Variants in MAP6 observed in about 807,000 individuals in gnomAD.
The protein encoded by MAP6 is microtubule associated protein 6, also known as microtubule-associated protein 6.
MAP6 carries 26 observed loss-of-function variants against 42.4 expected under a neutral mutation model. The observed-to-expected ratio is 0.61, with a 90% CI of 0.45 to 0.85. The LOEUF is 0.85. Ranked by LOEUF, MAP6 falls within the 40% of genes least tolerant of loss-of-function variation. MAP6 has a pLI of 0.00. For missense variants in MAP6, 966 were observed against 1,099.0 expected (o/e 0.88, Z 1.71); for synonymous variants, 418 against 443.8 (o/e 0.94, Z 0.73).
rs138867256 is a variant in MAP6, at chr11:75,602,346, T to C, written c.1316+3462A>G. Among the ~76,000 whole-genome samples the C allele has an allele frequency of 6.8e-3, 1,032 of 152,316 alleles. 13 individuals carry two copies. Among genetic ancestry groups the C allele is most frequent in the African/African-American group, 0.024 (985 of 41,566 alleles). On this transcript the variant is annotated intron_variant, in intron 3 of 3. Coordinates refer to ENST00000304771, the MANE Select transcript of MAP6 (RefSeq NM_033063.2). ...ATCTGTTGTTGCTTGGTGGCCTGTCTGGTGGCTGTTTCAGCACCCCCACAT... is the reference window on the plus strand; with the variant it reads ...ATCTGTTGTTGCTTGGTGGCCTGTCCGGTGGCTGTTTCAGCACCCCCACAT...
At chr11:75,590,398 T>C (rs1446337878) in intron 3 of MAP6, among the ~76,000 whole-genome samples, 1 of 152,164 alleles carries the variant, frequency 6.6e-6, no homozygotes, top group Admixed American at 6.5e-5. Context: ...TGGAGTCTCC[T>C]GCTGGCCTGG....
intron 1 of MAP6, among the ~76,000 whole-genome samples, chr11:75,613,088 G>A (rs978096731): frequency 6.6e-6 from 1 of 152,192 alleles, no homozygotes; most frequent in Non-Finnish European, 1.5e-5. Context: ...TCCAATCCCT[G>A]CCTGTCTCCC....
intron 1 of MAP6, among the ~76,000 whole-genome samples, chr11:75,659,302 T>C (rs1394359259): frequency 6.6e-6 from 1 of 152,216 alleles, no homozygotes; most frequent in East Asian, 1.9e-4. Flanking sequence ...ACCAACATGG[T>C]GAAACCCCGT....
intron 1 of MAP6, among the ~76,000 whole-genome samples, chr11:75,621,213 C>T (rs149754750): frequency 1.6e-4 from 24 of 152,074 alleles, no homozygotes; most frequent in African/African-American, 4.8e-4. Flanking sequence ...TGGTGGCTCA[C>T]TCTTGTAATT....
At chr11:75,597,203 A>C (rs969290557) in intron 3 of MAP6, 1 of 152,220 alleles carries the variant, frequency 6.6e-6, no homozygotes, top group Admixed American at 6.5e-5. Context: ...ACAAAAGTCG[A>C]ATCAAGATCT....
At chr11:75,635,682 C>T (rs1220484282) in intron 1 of MAP6, among the ~76,000 whole-genome samples, 2 of 152,208 alleles carry the variant, frequency 1.3e-5, no homozygotes, top group South Asian at 2.1e-4. Context: ...GGACTCGGTT[C>T]CTTGGCTTCA....
chr11:75,627,707 T>C (rs2135626903), intron 1 of MAP6, among the ~76,000 whole-genome samples: 1 of 152,214 alleles, frequency 6.6e-6, no homozygotes, highest in South Asian at 2.1e-4. Flanking sequence ...TCCTATGGAG[T>C]AGACACTGTT....
intron 1 of MAP6, among the ~76,000 whole-genome samples, chr11:75,611,051 T>C (rs1942887924): frequency 6.6e-6 from 1 of 152,144 alleles, no homozygotes; most frequent in Non-Finnish European, 1.5e-5. Context: ...TCTGAACCAT[T>C]TTGGCCCTAC....
intron 3 of MAP6, chr11:75,604,814 A>G: frequency 1.0e-6 from 1 of 985,444 alleles, no homozygotes; most frequent in African/African-American, 1.7e-5. Flanking sequence ...ATTCTCCCTG[A>G]CCTGAGGCCT....
At chr11:75,605,743 A>T in intron 3 of MAP6, 65 bp downstream of exon 3, 5 of 828,352 alleles carry the variant, frequency 6.0e-6, no homozygotes, top group East Asian at 9.7e-5. Context: ...TTGTTGGTTT[A>T]AAAAAAAAAA....
intron 1 of MAP6, among the ~76,000 whole-genome samples, chr11:75,631,614 G>GCAGAT (rs1396950817): frequency 6.6e-6 from 1 of 152,168 alleles, no homozygotes; most frequent in East Asian, 1.9e-4. Flanking sequence ...AGAAAAGGAA[G>GCAGAT]CAGATTCAAA....
intron 1 of MAP6, among the ~76,000 whole-genome samples, chr11:75,640,968 G>C (rs558547931): frequency 1.3e-4 from 20 of 152,226 alleles, no homozygotes; most frequent in Admixed American, 5.2e-4. Flanking sequence ...ATTTGACCCA[G>C]CCATCCCATT....
intron 1 of MAP6, among the ~76,000 whole-genome samples, chr11:75,647,877 A>G (rs573723854): frequency 6.6e-6 from 1 of 152,342 alleles, no homozygotes; most frequent in African/African-American, 2.4e-5. Flanking sequence ...CAACCAAAAG[A>G]GATCTGTCCT....
At chr11:75,651,035 T>A (rs527376098) in intron 1 of MAP6, among the ~76,000 whole-genome samples, 1 of 152,114 alleles carries the variant, frequency 6.6e-6, no homozygotes, top group African/African-American at 2.4e-5. Context: ...ATCTTCATCA[T>A]CACATTTCTC....
chr11:75,624,317 T>C lies in MAP6; in HGVS notation c.906-15995A>G, dbSNP rs563168212. ...GCTGGGACCCAGGGTGACAGTGATGTGCTGTGGCCAGCACCTCAGAGGCCA... is the reference window on the plus strand; with the variant it reads ...GCTGGGACCCAGGGTGACAGTGATGCGCTGTGGCCAGCACCTCAGAGGCCA... On this transcript the variant is annotated intron_variant, in intron 1 of 3. Transcript: ENST00000304771. Among the ~76,000 whole-genome samples the C allele has an allele frequency of 5.3e-5, 8 of 152,306 alleles. No individual in the cohort carries two copies. The East Asian group carries it at 1.4e-3, about 26-fold the overall frequency.
chr11:75,625,949 C>T (rs1298776270), intron 1 of MAP6, among the ~76,000 whole-genome samples: 2 of 152,208 alleles, frequency 1.3e-5, no homozygotes, highest in South Asian at 2.1e-4. Context: ...CTCCCACTCT[C>T]GTCCTCTGAG....
chr11:75,587,476 C>CTTAG lies in MAP6; in HGVS notation c.2024_2025insCTAA (p.Val676Ter). The stretch of plus-strand genomic sequence containing the variant: ...CTTGATCCTTGACTGGCCCTGAGAC[C>CTTAG]ACTAAACCTTGATTCTTTACAGGCT... On this transcript the variant is annotated stop_gained and frameshift_variant, in exon 4 of 4. Transcript: ENST00000304771. LOFTEE classifies it low-confidence loss of function (END_TRUNC). The CTTAG allele has an allele frequency of 1.1e-5, 17 of 1,614,140 alleles. No homozygotes were observed. The highest frequency in any genetic ancestry group is 1.4e-5 in the Non-Finnish European group (17 of 1,180,016).
chr11:75,587,656 C>T lies in MAP6; in HGVS notation c.1845G>A (p.Lys615=), dbSNP rs1179161903. 4 of 1,613,930 alleles carry T rather than the reference C, an allele frequency of 2.5e-6. No individual in the cohort carries two copies. Among genetic ancestry groups the T allele is most frequent in the African/African-American group, 1.3e-5 (1 of 74,912 alleles). Residue 615 remains lysine (K), a synonymous_variant, in exon 4 of 4, where the codon AAG becomes AAA. Transcript: ENST00000304771. ...GTGCTGGGACTATGGGACCTTCACC[C>T]TTGACAGGTGCTGGGACTATGGGAC... is the stretch of plus-strand genomic sequence containing the variant. The part of the protein sequence containing the change: ...DQGPIVPAPV[K]GEGPIVPAPV...
In MAP6 at chr11:75,667,865, C is replaced by A. The variant is rs867767378; in HGVS notation, c.505G>T (p.Gly169Trp). The stretch of plus-strand genomic sequence containing the variant: ...GGCTTGGGGATCCACGGGTGGTCCC[C>A]GCGGCGCGGCAGCGGCCAGGCGCGG... ...DFRAWPLPRR[G>W]DHPWIPKPVQ... Residue 169 changes from glycine (G) to tryptophan (W), a missense_variant, in exon 1 of 4, where the codon GGG becomes TGG. Gly to Trp is a radical substitution (Grantham distance 184). Coordinates refer to ENST00000304771, the MANE Select transcript of MAP6 (RefSeq NM_033063.2). The surrounding 1 kb of genome is among the most constrained non-coding windows in gnomAD (Gnocchi z 5.6). 6.9e-7 allele frequency: 1 copy of A among 1,443,896 alleles called. No homozygotes were observed. The highest frequency in any genetic ancestry group is 9.1e-7 in the Non-Finnish European group (1 of 1,095,584). 89.4% of individuals were successfully genotyped at this position (1,443,896 alleles called of 1,614,324 possible).
Sources: allele counts gnomAD v4.1 joint callset (sites outside exome capture counted in the v4.1 genomes callset), GRCh38; gene constraint gnomAD v4.1.1; non-coding constraint Gnocchi (gnomAD v3.1); transcripts MANE v1.5; gene names NCBI Gene and HGNC (gene_info 2026-07-23, HGNC 2026-07-21).